CYP4A22: variants seen among roughly 807,000 people sequenced by gnomAD.
CYP4A22 encodes the protein cytochrome P450 family 4 subfamily A member 22, also known as cytochrome P450 4A22.
Under a neutral mutation model 56.2 loss-of-function variants are expected in CYP4A22, and 46 were observed. The observed-to-expected ratio is 0.82, with a 90% CI of 0.65 to 1.05. The LOEUF (loss-of-function observed/expected upper bound fraction) is 1.05. Ranked by LOEUF, CYP4A22 falls within the 50% of genes least tolerant of loss-of-function variation. The pLI, the probability that CYP4A22 is intolerant of heterozygous loss-of-function variation, is 0.00. For missense variants in CYP4A22, 541 were observed against 645.9 expected, an observed-to-expected ratio of 0.84 and a Z score of 1.76; for synonymous variants, 193 against 251.1, an observed-to-expected ratio of 0.77 and a Z score of 2.19.
chr1:47,146,676 T>A, intron 11 of CYP4A22: 2 of 997,196 alleles, frequency 2.0e-6, no homozygotes, highest in Non-Finnish European at 2.4e-6. Flanking sequence ...TCAAGCCATA[T>A]AAGGGAGAGG....
chr1:47,137,686 G>A lies in CYP4A22; in HGVS notation c.195+6G>A, dbSNP rs1236501845. 2 of 1,604,796 alleles carry A rather than the reference G, an allele frequency of 1.2e-6. No individual in the cohort carries two copies. Among genetic ancestry groups the A allele is most frequent in the Admixed American group, 1.7e-5 (1 of 59,362 alleles). On this transcript the variant is annotated splice_donor_region_variant and intron_variant, in intron 1 of 11. Transcript: ENST00000371891. The stretch of plus-strand genomic sequence containing the variant: ...TCTTCGGGCACATCCAGGAGGTAGG[G>A]AGGAACTCAGTGGGGGAGTGGGAGG...
intron 1 of CYP4A22, among the ~76,000 whole-genome samples, chr1:47,137,892 A>C (rs941412411): frequency 6.6e-5 from 10 of 152,108 alleles, no homozygotes; most frequent in Non-Finnish European, 1.3e-4. Flanking sequence ...GCTCTATCAC[A>C]CATGCCCTCC....
chr1:47,143,388 G>A lies in CYP4A22; in HGVS notation c.630G>A (p.Val210=). ...TCAGCCATCAGGGCAGCATCCAGGT[G>A]GACAGGTCAGTGACAACCCTCCAGC... The part of the protein sequence containing the change: ...SAFSHQGSIQ[V]DRNSQSYIQA... The change falls in exon 5 of 12, where the codon GTG becomes GTA. Residue 210 remains valine (V), a synonymous_variant. Transcript: ENST00000371891. 1 of 1,612,348 alleles carries A rather than the reference G, an allele frequency of 6.2e-7. No individual in the cohort carries two copies. The highest frequency in any genetic ancestry group is 8.5e-7 in the Non-Finnish European group (1 of 1,179,284).
chr1:47,145,053 T>G, intron 9 of CYP4A22, 83 bp downstream of exon 9: 1 of 1,565,206 alleles, frequency 6.4e-7, no homozygotes, highest in Non-Finnish European at 8.7e-7. Flanking sequence ...TTCAGAGTTC[T>G]GCACATCTCT....
intron 8 of CYP4A22, 39 bp downstream of exon 8, chr1:47,144,779 C>T (rs1203410153): frequency 1.9e-6 from 3 of 1,611,352 alleles, no homozygotes; most frequent in African/African-American, 1.3e-5. Flanking sequence ...CCTGCCTTCT[C>T]CACAGGGGCC....
At chr1:47,140,327 T>C (rs17102891) in intron 1 of CYP4A22, among the ~76,000 whole-genome samples, 1 of 152,194 alleles carries the variant, frequency 6.6e-6, no homozygotes, top group African/African-American at 2.4e-5. Context: ...TGCTATTTTA[T>C]CTCAACAAAT....
chr1:47,141,545 C>T, intron 2 of CYP4A22, 26 bp from the exon 3 acceptor site: 1 of 1,612,410 alleles, frequency 6.2e-7, no homozygotes, highest in South Asian at 1.1e-5. Flanking sequence ...TCCTAGTTTC[C>T]TATAAAGCCC....
chr1:47,140,820 T>A lies in CYP4A22; in HGVS notation c.236T>A (p.Val79Glu). 6.2e-7 allele frequency: 1 copy of A among 1,614,106 alleles called. No homozygotes were observed. ...GAGCTACAACGGATTCAGGAACGGG[T>A]GAAGACATTCCCAAGTGCCTGTCCT... ...DQELQRIQERVKTFPSACPYW... is the reference protein window; with the variant it reads ...DQELQRIQEREKTFPSACPYW... Residue 79 changes from valine to glutamate, a missense_variant, in exon 2 of 12, where the codon GTG becomes GAG. Coordinates refer to ENST00000371891, the MANE Select transcript of CYP4A22 (RefSeq NM_001010969.4).
intron 11 of CYP4A22, chr1:47,147,173 C>A (rs1000056342): frequency 1.1e-5 from 11 of 985,434 alleles, no homozygotes; most frequent in Non-Finnish European, 1.3e-5. Context: ...TTACATGGAA[C>A]AGGAAAGCTT....
In CYP4A22 at chr1:47,141,041, G is replaced by A. The variant is rs1290207074; in HGVS notation, c.337+120G>A. ...CATCAATATCTGAAACCTCTCCCACGCATCCACCAAGCCCACCATGCCCAG... is the reference window on the plus strand; with the variant it reads ...CATCAATATCTGAAACCTCTCCCACACATCCACCAAGCCCACCATGCCCAG... On this transcript the variant is annotated intron_variant, in intron 2 of 11. Coordinates refer to ENST00000371891, the MANE Select transcript of CYP4A22 (RefSeq NM_001010969.4). 7.2e-5 allele frequency: 104 copies of A among 1,447,366 alleles called. 1 individual carries two copies. In the Admixed American group the frequency reaches 1.7e-3, roughly 23 times the overall value. 89.7% of individuals were successfully genotyped at this position (1,447,366 alleles called of 1,614,324 possible). A position where few individuals can be genotyped will look rare whatever the true frequency, so the allele number is the denominator to read the frequency against.
intron 6 of CYP4A22, among the ~76,000 whole-genome samples, 174 bp downstream of exon 6, chr1:47,144,090 G>C (rs1645045931): frequency 1.3e-5 from 2 of 152,240 alleles, no homozygotes; most frequent in South Asian, 4.1e-4. Flanking sequence ...CGGATTCTGT[G>C]CCTTGGTTTA....
Position 47,141,279 on chromosome 1 carries a change from C to T in CYP4A22, c.338-292C>T, listed in dbSNP as rs547648184. Among the ~76,000 whole-genome samples, 6 of 152,266 alleles carry T rather than the reference C, an allele frequency of 3.9e-5. No homozygotes were observed. The East Asian group carries it at 1.2e-3, about 29-fold the overall frequency. ...CCTGGTCAGGAGGTGACTAGGAAAA[C>T]ATCAATGTAGAAAAACCCATGGCTC... On this transcript the variant is annotated intron_variant, in intron 2 of 11. Coordinates refer to ENST00000371891, the MANE Select transcript of CYP4A22 (RefSeq NM_001010969.4).
Position 47,145,137 on chromosome 1 carries a change from A to G in CYP4A22, c.1222+167A>G, listed in dbSNP as rs553483560. ...GATGAATTTGAAAAGTCTGGCCGAG[A>G]GCTTGAACCCACCGAAAGTTCAAGA... On this transcript the variant is annotated intron_variant, in intron 9 of 11. Coordinates refer to ENST00000371891, the MANE Select transcript of CYP4A22 (RefSeq NM_001010969.4). Among the ~76,000 whole-genome samples, 39 of 152,352 alleles carry G rather than the reference A, an allele frequency of 2.6e-4. 1 individual carries two copies. The South Asian group carries it at 7.9e-3, about 31-fold the overall frequency.
Position 47,137,552 on chromosome 1 carries a change from T to A in CYP4A22, c.67T>A (p.Ser23Thr). The change falls in exon 1 of 12, where the codon TCC becomes ACC. Residue 23 changes from serine (S) to threonine (T), a missense_variant. Ser to Thr is a moderately conservative substitution (Grantham distance 58). Coordinates refer to ENST00000371891, the MANE Select transcript of CYP4A22 (RefSeq NM_001010969.4). Reference protein sequence around the residue: ...GGVSGILQVTSLLILLLLLIK... With the variant: ...GGVSGILQVTTLLILLLLLIK... ...TGTCTCCGGGATCCTCCAAGTGACC[T>A]CCCTGCTCATTCTGCTTCTGCTGCT... 1 of 1,614,186 alleles carries A rather than the reference T, an allele frequency of 6.2e-7. No homozygotes were observed. Among genetic ancestry groups the A allele is most frequent in the Non-Finnish European group, 8.5e-7 (1 of 1,180,014 alleles).
At position 47,137,707 on chromosome 1, in the gene CYP4A22, G is replaced by A. The variant is rs772163810; in HGVS notation, c.195+27G>A. ...TAGGGAGGAACTCAGTGGGGGAGTG[G>A]GAGGGCAAGGAGGGATGCGGCTCTG... On this transcript the variant is annotated intron_variant, in intron 1 of 11. Transcript: ENST00000371891. The A allele has an allele frequency of 1.6e-5, 25 of 1,580,684 alleles. No homozygotes were observed. The South Asian group carries it at 2.8e-4, about 18-fold the overall frequency.
Position 47,143,897 on chromosome 1 carries a change from G to C in CYP4A22, c.771G>C (p.Gln257His). Reference protein sequence around the residue: ...SAGRWTHRACQLAHQHTDQVI... With the variant: ...SAGRWTHRACHLAHQHTDQVI... ...GCCGCTGGACACACCGCGCCTGCCA[G>C]CTGGCCCATCAGCACACAGGTTCTG... is the stretch of plus-strand genomic sequence containing the variant. Residue 257 changes from glutamine (Q) to histidine (H), a missense_variant, in exon 6 of 12, where the codon CAG becomes CAC. Transcript: ENST00000371891. 6.2e-7 allele frequency: 1 copy of C among 1,612,058 alleles called. No homozygotes were observed. The highest frequency in any genetic ancestry group is 8.5e-7 in the Non-Finnish European group (1 of 1,179,098).
Position 47,144,756 on chromosome 1 carries a change from A to G in CYP4A22, c.1088+16A>G. Reference sequence around the variant, plus strand: ...CCATCACCTGGTGAGTGAGGGCTCAAAAGATGGGGTTCCCTGCCTTCTCCA... The same window carrying G: ...CCATCACCTGGTGAGTGAGGGCTCAGAAGATGGGGTTCCCTGCCTTCTCCA... On this transcript the variant is annotated intron_variant, in intron 8 of 11. Transcript: ENST00000371891. The G allele has an allele frequency of 2.5e-6, 4 of 1,613,214 alleles. No individual in the cohort carries two copies. The highest frequency in any genetic ancestry group is 3.4e-6 in the Non-Finnish European group (4 of 1,179,560).
At position 47,143,914 on chromosome 1, in the gene CYP4A22, C is replaced by T. The variant is rs779166657; in HGVS notation, c.788C>T (p.Thr263Ile). The change falls in exon 6 of 12, where the codon ACA (threonine) becomes ATA (isoleucine). Residue 263 changes from threonine to isoleucine, a missense_variant and splice_region_variant. By Grantham distance (89) the Thr-to-Ile change is moderately conservative (BLOSUM62 -1). Transcript: ENST00000371891. ...HRACQLAHQH[T>I]DQVIQLRKAQ... ...GCCTGCCAGCTGGCCCATCAGCACA[C>T]AGGTTCTGTCTCTTCCTCTTGTCTC... 7 of 1,608,846 alleles carry T rather than the reference C, an allele frequency of 4.4e-6. No homozygotes were observed. In the East Asian group the frequency reaches 1.6e-4, roughly 36 times the overall value.
At chr1:47,144,048 G>C in intron 6 of CYP4A22, 132 bp downstream of exon 6, 5 of 1,456,178 alleles carry the variant, frequency 3.4e-6, no homozygotes, top group Non-Finnish European at 3.6e-6. Flanking sequence ...GAATTCCCTT[G>C]CTCAGGGGCT....
Sources: allele counts gnomAD v4.1 joint callset (sites outside exome capture counted in the v4.1 genomes callset), GRCh38; gene constraint gnomAD v4.1.1; transcripts MANE v1.5; gene names NCBI Gene and HGNC (gene_info 2026-07-23, HGNC 2026-07-21).